Variants in URI1 observed in about 807,000 individuals in gnomAD.
URI1 encodes the protein unconventional prefoldin RPB5 interactor 1.
In URI1, 39 loss-of-function variants were observed where a neutral mutation model predicts 60.2. That is an observed-to-expected ratio of 0.65 (90% CI 0.50 to 0.85). URI1 has a LOEUF of 0.85. URI1 is among the 40% of genes least tolerant of loss of function. URI1 has a pLI of 0.00. For missense variants in URI1, 691 were observed against 665.9 expected, an observed-to-expected ratio of 1.04 and a Z score of -0.42; for synonymous variants, 251 against 236.8, an observed-to-expected ratio of 1.06 and a Z score of -0.55.
intron 2 of URI1, among the ~76,000 whole-genome samples, chr19:29,973,131 T>G (rs2055479269): frequency 6.6e-6 from 1 of 152,118 alleles, no homozygotes; most frequent in Non-Finnish European, 1.5e-5. Context: ...AATTGCTGTT[T>G]GGGAGAGTCG....
chr19:29,936,096 A>T (rs573437192), intron 1 of URI1, among the ~76,000 whole-genome samples: 156 of 146,386 alleles, frequency 1.1e-3, no homozygotes, highest in Admixed American at 2.6e-3. Context: ...CTTAAAAAAA[A>T]TTTTTTTTTG....
intron 4 of URI1, 106 bp downstream of exon 4, chr19:29,986,523 A>AT: frequency 7.3e-7 from 1 of 1,362,188 alleles, no homozygotes; most frequent in Non-Finnish European, 1.0e-6. Flanking sequence ...GTGATCTATG[A>AT]ATCCAGGCTG....
intron 3 of URI1, 55 bp downstream of exon 3, chr19:29,985,356 C>A: frequency 6.9e-7 from 1 of 1,445,130 alleles, no homozygotes; most frequent in Non-Finnish European, 9.7e-7. Context: ...AACATATTAA[C>A]TATGTGTCGG....
chr19:29,942,600 C>A lies in URI1; in HGVS notation c.53C>A (p.Pro18Gln). 1 of 1,455,970 alleles carries A rather than the reference C, an allele frequency of 6.9e-7. No individual in the cohort carries two copies. Among genetic ancestry groups the A allele is most frequent in the Non-Finnish European group, 9.0e-7 (1 of 1,108,492 alleles). 90.2% of individuals were successfully genotyped at this position (1,455,970 alleles called of 1,614,324 possible). Residue 18 changes from proline to glutamine, a missense_variant, in exon 1 of 11, where the codon CCG becomes CAG. By Grantham distance (76) the Pro-to-Gln change is moderately conservative (BLOSUM62 -1). Transcript: ENST00000392271. ...TPPDPSPPSA[P>Q]APALVPLRAP... ...CCCGACCCCTCGCCCCCTTCGGCCC[C>A]GGCCCCTGCCCTGGTTCCGTTGCGC...
intron 6 of URI1, 152 bp from the exon 7 acceptor site, chr19:30,007,318 G>A (rs934059639): frequency 5.1e-6 from 4 of 788,308 alleles, no homozygotes; most frequent in Admixed American, 5.8e-5. Context: ...GGCTGTAAGA[G>A]ACATTCATCC....
chr19:29,955,491 A>T (rs1172276859), intron 1 of URI1, among the ~76,000 whole-genome samples: 1 of 152,146 alleles, frequency 6.6e-6, no homozygotes, highest in Non-Finnish European at 1.5e-5. Flanking sequence ...CTTTATCCAT[A>T]TTTATAACCA....
intron 1 of URI1, among the ~76,000 whole-genome samples, chr19:29,929,167 T>G (rs1257773226): frequency 6.6e-6 from 1 of 152,228 alleles, no homozygotes; most frequent in African/African-American, 2.4e-5. Flanking sequence ...CTGGGTTGTA[T>G]AAGTCTATGT....
intron 1 of URI1, among the ~76,000 whole-genome samples, chr19:29,932,712 C>T (rs1599647267): frequency 6.8e-6 from 1 of 147,386 alleles, no homozygotes; most frequent in African/African-American, 2.5e-5. Context: ...AGTGCAGTGG[C>T]ACGATCTTGG....
Position 30,014,938 on chromosome 19 carries a change from C to A in URI1, c.1477C>A (p.Pro493Thr). 6 of 1,613,664 alleles carry A rather than the reference C, an allele frequency of 3.7e-6. 1 individual carries two copies. The highest frequency in any genetic ancestry group is 2.7e-5 in the African/African-American group (2 of 75,018). ...EKEFVSPSLT[P>T]PPAIAHPALP... is the part of the protein sequence containing the mutation. The stretch of plus-strand genomic sequence containing the variant: ...AGAATTTGTATCACCTTCCTTAACA[C>A]CACCCCCAGCCATTGCTCATCCCGC... Residue 493 changes from proline (P) to threonine (T), a missense_variant, in exon 11 of 11, where the codon CCA (proline) becomes ACA (threonine). Pro to Thr is a conservative substitution (Grantham distance 38, BLOSUM62 -1). Transcript: ENST00000392271.
At position 29,986,299 on chromosome 19, in the gene URI1, T is replaced by C. The variant is rs373180417; in HGVS notation, c.249T>C (p.Phe83=). The C allele has an allele frequency of 5.0e-6, 8 of 1,599,174 alleles. 1 individual carries two copies. The highest frequency in any genetic ancestry group is 5.9e-6 in the Non-Finnish European group (7 of 1,176,696). Residue 83 remains phenylalanine (F), a synonymous_variant, in exon 4 of 11, where the codon TTT becomes TTC. Transcript: ENST00000392271. ...SYNIMVPFGP[F]AFMPGKLVHT... ...AACAATAGGTACCATTTGGCCCTTTTGCCTTCATGCCAGGAAAACTTGTCC... is the reference window on the plus strand; with the variant it reads ...AACAATAGGTACCATTTGGCCCTTTCGCCTTCATGCCAGGAAAACTTGTCC...
At chr19:30,002,885 C>T (rs1221940061) in intron 4 of URI1, among the ~76,000 whole-genome samples, 4 of 151,776 alleles carry the variant, frequency 2.6e-5, no homozygotes, top group Non-Finnish European at 5.9e-5. Context: ...GCTATAATTT[C>T]AGTGTGGTTT....
chr19:29,951,996 A>T (rs557721488), intron 1 of URI1, among the ~76,000 whole-genome samples: 16 of 152,236 alleles, frequency 1.1e-4, no homozygotes, highest in Non-Finnish European at 2.1e-4. Flanking sequence ...CAAGATATGG[A>T]CACAAGTAGT....
At chr19:29,988,585 G>C (rs1246935862) in intron 4 of URI1, among the ~76,000 whole-genome samples, 1 of 152,212 alleles carries the variant, frequency 6.6e-6, no homozygotes, top group Non-Finnish European at 1.5e-5. Context: ...GCCTCATCCA[G>C]GTGGTTCTGT....
intron 1 of URI1, among the ~76,000 whole-genome samples, chr19:29,950,596 A>G (rs335047): frequency 0.025 from 3,815 of 152,268 alleles, 173 homozygotes; most frequent in African/African-American, 0.087. Flanking sequence ...GAACCATTCA[A>G]AAGTGAATTG....
intron 4 of URI1, among the ~76,000 whole-genome samples, chr19:30,001,604 T>C (rs2055879179): frequency 6.6e-6 from 1 of 151,944 alleles, no homozygotes; most frequent in East Asian, 1.9e-4. Context: ...TTCAAACTTT[T>C]ATCTAGATCT....
chr19:29,929,551 A>G (rs2054898608), intron 1 of URI1, among the ~76,000 whole-genome samples: 2 of 152,034 alleles, frequency 1.3e-5, no homozygotes, highest in South Asian at 4.1e-4. Flanking sequence ...GAGCTGAGAT[A>G]GTGCCACTGC....
chr19:29,969,511 G>C (rs117573293), intron 1 of URI1, among the ~76,000 whole-genome samples: 1,579 of 152,278 alleles, frequency 0.01, 16 homozygotes, highest in South Asian at 0.052. Context: ...TTCCTCGAAG[G>C]TCCTTTAAAT....
chr19:29,948,141 A>G (rs570042210), intron 1 of URI1, among the ~76,000 whole-genome samples: 5 of 152,344 alleles, frequency 3.3e-5, no homozygotes, highest in African/African-American at 1.2e-4. Context: ...CAGCAAACCT[A>G]CACTGTCTAA....
At chr19:30,006,530 T>G (rs2055944868) in intron 6 of URI1, among the ~76,000 whole-genome samples, 1 of 152,150 alleles carries the variant, frequency 6.6e-6, no homozygotes, top group Non-Finnish European at 1.5e-5. Context: ...TTGTTTGTGG[T>G]GACCAGTGAC....
Sources: gnomAD v4.1 joint callset for allele counts (sites outside exome capture counted in the v4.1 genomes callset) on GRCh38, gnomAD v4.1.1 for gene constraint, MANE v1.5 for transcripts, NCBI Gene and HGNC (gene_info 2026-07-23, HGNC 2026-07-21) for gene names.